The following KHDRBS2 variants were observed in gnomAD, a reference collection of about 807,000 sequenced individuals.
KHDRBS2 encodes KH domain-containing, RNA-binding, signal transduction-associated protein 2.
A neutral mutation model predicts 44.3 loss-of-function variants in KHDRBS2; 26 were observed. That is an observed-to-expected ratio of 0.59 (90% CI 0.43 to 0.81). The LOEUF (loss-of-function observed/expected upper bound fraction) is 0.81, where lower values mean the gene tolerates loss of function less well. Among genes scored for constraint, KHDRBS2 ranks in the 40% least tolerant of loss-of-function variants. The probability of loss-of-function intolerance (pLI) is 0.00; values close to 1 mark genes in which losing one functional copy is unlikely to be tolerated. For synonymous variants in KHDRBS2, 194 were observed against 151.1 expected (o/e 1.28, Z -2.08); for missense variants, 476 against 433.1 (o/e 1.10, Z -0.88).
chr6:61,978,187 T>C lies in KHDRBS2; in HGVS notation c.362A>G (p.Glu121Gly), dbSNP rs1212984652. 1 of 1,606,750 alleles carries C rather than the reference T, an allele frequency of 6.2e-7. No homozygotes were observed. The highest frequency in any genetic ancestry group is 1.7e-5 in the Admixed American group (1 of 58,344). ...AKEEELRKSG[E>G]AKYAHLSDEL... The stretch of plus-strand genomic sequence containing the variant: ...ATCACTCAAGTGGGCATATTTGGCT[T>C]CCCCACTCTTCCTTAGTTCTTCTTC... Residue 121 changes from glutamate (E) to glycine (G), a missense_variant, in exon 4 of 9, where the codon GAA becomes GGA. Glu to Gly is a moderately conservative substitution (Grantham distance 98, BLOSUM62 -2). Transcript: ENST00000281156.
chr6:62,185,525 A>G (rs1356436618), intron 1 of KHDRBS2, among the ~76,000 whole-genome samples: 1 of 151,958 alleles, frequency 6.6e-6, no homozygotes, highest in African/African-American at 2.4e-5. Context: ...GGCATAAGAG[A>G]CTGTCAGATC....
At chr6:61,859,911 T>C (rs1312333318) in intron 6 of KHDRBS2, among the ~76,000 whole-genome samples, 1 of 151,772 alleles carries the variant, frequency 6.6e-6, no homozygotes. Flanking sequence ...AAGAAATAAA[T>C]TGCAAGAAAG....
At chr6:62,176,670 T>C (rs1821159914) in intron 2 of KHDRBS2, among the ~76,000 whole-genome samples, 1 of 151,234 alleles carries the variant, frequency 6.6e-6, no homozygotes. Context: ...TAAAGAAAGA[T>C]GTAACATTAA....
chr6:62,037,237 A>T (rs1785469795), intron 3 of KHDRBS2, among the ~76,000 whole-genome samples: 1 of 151,878 alleles, frequency 6.6e-6, no homozygotes, highest in East Asian at 1.9e-4. Context: ...AAGGTAGGAT[A>T]TGTCTGTTTT....
intron 2 of KHDRBS2, among the ~76,000 whole-genome samples, chr6:62,092,959 G>C (rs1304890748): frequency 2.6e-5 from 4 of 151,952 alleles, no homozygotes; most frequent in African/African-American, 9.7e-5. Flanking sequence ...CTGATAGCAA[G>C]ATTAAATGAG....
At chr6:61,894,435 A>ACC (rs1453299020) in intron 6 of KHDRBS2, among the ~76,000 whole-genome samples, 200 bp downstream of exon 6, 1 of 152,166 alleles carries the variant, frequency 6.6e-6, no homozygotes, top group Non-Finnish European at 1.5e-5. Context: ...ACTAGCACTA[A>ACC]CAGTGATGAC....
chr6:61,783,495 A>C (rs62416604), intron 6 of KHDRBS2, among the ~76,000 whole-genome samples: 27,765 of 152,076 alleles, frequency 0.18, 2,642 homozygotes, highest in Non-Finnish European at 0.2. Flanking sequence ...TTTACTGAAG[A>C]AAGAAAATAC....
At chr6:61,687,471 A>G (rs1428734431) in intron 8 of KHDRBS2, among the ~76,000 whole-genome samples, 2 of 151,736 alleles carry the variant, frequency 1.3e-5, no homozygotes, top group South Asian at 4.1e-4. Flanking sequence ...ATATTTAAAT[A>G]TTTTGCATCT....
chr6:61,920,709 T>C (rs1201552950), intron 4 of KHDRBS2, among the ~76,000 whole-genome samples: 3 of 151,932 alleles, frequency 2.0e-5, no homozygotes, highest in African/African-American at 4.8e-5. Context: ...TATTCTTGAC[T>C]GAGTAGTTGG....
chr6:61,627,076 A>T, the KHDRBS2 span, among the ~76,000 whole-genome samples: 1 of 150,978 alleles, frequency 6.6e-6, no homozygotes, highest in Non-Finnish European at 1.5e-5. Context: ...ACACGGTGAA[A>T]CCCCGTCTCT....
At chr6:61,668,046 C>T in the KHDRBS2 span, among the ~76,000 whole-genome samples, 3 of 150,864 alleles carry the variant, frequency 2.0e-5, no homozygotes, top group African/African-American at 4.8e-5. Flanking sequence ...CTAAATATAA[C>T]AAATAAAAAA....
chr6:62,044,776 A>T (rs1787312490), intron 3 of KHDRBS2, among the ~76,000 whole-genome samples: 1 of 152,188 alleles, frequency 6.6e-6, no homozygotes, highest in East Asian at 1.9e-4. Context: ...TGAACTTCTT[A>T]ATACTTGCTG....
At chr6:61,908,266 A>G (rs1200176976) in intron 4 of KHDRBS2, among the ~76,000 whole-genome samples, 1 of 152,140 alleles carries the variant, frequency 6.6e-6, no homozygotes, top group Non-Finnish European at 1.5e-5. Context: ...GAGACAAAGG[A>G]AGGTAAAGCT....
At chr6:61,953,281 A>T (rs796654346) in intron 4 of KHDRBS2, among the ~76,000 whole-genome samples, 16 of 152,188 alleles carry the variant, frequency 1.1e-4, no homozygotes, top group African/African-American at 3.8e-4. Context: ...CCAAGACTTT[A>T]TACATTCTAA....
chr6:62,139,332 C>T (rs1812257350), intron 2 of KHDRBS2, among the ~76,000 whole-genome samples: 1 of 152,018 alleles, frequency 6.6e-6, no homozygotes, highest in South Asian at 2.1e-4. Flanking sequence ...GTAGGTGGAT[C>T]ACGAGGTCAG....
intron 3 of KHDRBS2, among the ~76,000 whole-genome samples, chr6:62,001,105 C>G (rs765207421): frequency 1.3e-5 from 2 of 152,232 alleles, no homozygotes; most frequent in South Asian, 2.1e-4. Flanking sequence ...TAGCTTCTTA[C>G]GTTCTGGTCA....
chr6:62,210,333 T>C (rs1242114199), intron 1 of KHDRBS2, among the ~76,000 whole-genome samples: 1 of 150,842 alleles, frequency 6.6e-6, no homozygotes, highest in East Asian at 1.9e-4. Flanking sequence ...CATTCTTTTT[T>C]TTTTTTTTTT....
At chr6:61,734,350 A>T (rs1774978847) in intron 6 of KHDRBS2, among the ~76,000 whole-genome samples, 1 of 152,144 alleles carries the variant, frequency 6.6e-6, no homozygotes, top group South Asian at 2.1e-4. Context: ...CAGATTATTT[A>T]GAAATAATAC....
intron 6 of KHDRBS2, among the ~76,000 whole-genome samples, chr6:61,823,417 T>C (rs1790312962): frequency 1.3e-5 from 2 of 152,130 alleles, no homozygotes. Context: ...ACACAAATTT[T>C]ATGTAAAGAA....
Sources: gnomAD v4.1 joint callset for allele counts (sites outside exome capture counted in the v4.1 genomes callset) on GRCh38, gnomAD v4.1.1 for gene constraint, MANE v1.5 for transcripts, NCBI Gene and HGNC (gene_info 2026-07-23, HGNC 2026-07-21) for gene names.